PCDHGB2: variants seen among roughly 807,000 people sequenced by gnomAD.
PCDHGB2 encodes protocadherin gamma-B2.
In PCDHGB2, 55 loss-of-function variants were observed where a neutral mutation model predicts 59.3. The ratio of observed to expected loss-of-function variants is 0.93; its 90% confidence interval spans 0.75 to 1.16. The LOEUF (loss-of-function observed/expected upper bound fraction) is 1.16. PCDHGB2 is among the 50% of genes most tolerant of loss of function. The pLI is 0.00. For synonymous variants in PCDHGB2, 516 were observed against 512.0 expected, an observed-to-expected ratio of 1.01 and a Z score of -0.11; for missense variants, 1,228 against 1,198.5, an observed-to-expected ratio of 1.02 and a Z score of -0.36.
At chr5:141,376,296 C>A (rs769852070) in intron 1 of PCDHGB2, 44 of 1,614,066 alleles carry the variant, frequency 2.7e-5, no homozygotes, top group Middle Eastern at 1.6e-4. Flanking sequence ...ATGCCCGGCT[C>A]GCACTTTGTG....
chr5:141,400,230 G>A, intron 1 of PCDHGB2: 3 of 1,613,992 alleles, frequency 1.9e-6, no homozygotes, highest in Non-Finnish European at 2.5e-6. Flanking sequence ...TCTTCCTCCT[G>A]GCCGTGATTC....
chr5:141,398,857 C>T (rs749773693), intron 1 of PCDHGB2: 15 of 1,613,800 alleles, frequency 9.3e-6, no homozygotes, highest in African/African-American at 1.3e-5. Flanking sequence ...GGTATTCAAC[C>T]GAGACGTGTA....
At chr5:141,376,051 C>T in intron 1 of PCDHGB2, 1 of 1,613,344 alleles carries the variant, frequency 6.2e-7, no homozygotes, top group South Asian at 1.1e-5. Context: ...CTCTCTCCGC[C>T]ACTGTCACGC....
intron 1 of PCDHGB2, chr5:141,419,370 A>G (rs1460064670): frequency 1.9e-6 from 3 of 1,613,574 alleles, no homozygotes; most frequent in African/African-American, 2.7e-5. Context: ...CTGTCGTCCT[A>G]CGTGTCCGTG....
rs1222364302 is a variant in PCDHGB2, at chr5:141,414,920, C to T, written c.2421+52364C>T. On this transcript the variant is annotated intron_variant, in intron 1 of 3. Coordinates refer to ENST00000522605, the MANE Select transcript of PCDHGB2 (RefSeq NM_018923.3). ...GACGGTTCCACAGGCGTGGAGCTGG[C>T]GCCCCGCTCCGCAGAGCCCGGCTAC... 2.5e-6 allele frequency: 4 copies of T among 1,614,146 alleles called. No individual in the cohort carries two copies. The South Asian group carries it at 3.3e-5, about 13-fold the overall frequency.
At chr5:141,428,117 G>T in intron 1 of PCDHGB2, 2 of 1,607,102 alleles carry the variant, frequency 1.2e-6, no homozygotes, top group East Asian at 2.2e-5. Context: ...AGGCCATCGA[G>T]CCCGGGCTTT....
At chr5:141,373,971 C>A in intron 1 of PCDHGB2, 2 of 1,026,814 alleles carry the variant, frequency 1.9e-6, no homozygotes, top group Non-Finnish European at 2.7e-6. Flanking sequence ...AAACGCTTCG[C>A]ATCCGGTCTC....
chr5:141,470,452 G>A (rs981528762), intron 1 of PCDHGB2, among the ~76,000 whole-genome samples: 1 of 152,130 alleles, frequency 6.6e-6, no homozygotes, highest in Admixed American at 6.5e-5. Flanking sequence ...ATAGCATCTT[G>A]AATAGGATTT....
At chr5:141,469,929 G>C (rs1208858245) in intron 1 of PCDHGB2, among the ~76,000 whole-genome samples, 1 of 152,168 alleles carries the variant, frequency 6.6e-6, no homozygotes, top group Non-Finnish European at 1.5e-5. Context: ...TCAGGAGTTT[G>C]AGACCAGCCT....
intron 1 of PCDHGB2, chr5:141,421,232 C>T (rs748347420): frequency 2.5e-6 from 4 of 1,590,252 alleles, no homozygotes; most frequent in African/African-American, 2.7e-5. Flanking sequence ...CCTGCCATGG[C>T]GAATCGGCTA....
intron 1 of PCDHGB2, chr5:141,420,003 T>C: frequency 6.2e-7 from 1 of 1,614,100 alleles, no homozygotes; most frequent in Non-Finnish European, 8.5e-7. Flanking sequence ...GCTCTACGCC[T>C]GCGACAGTCT....
Position 141,491,726 on chromosome 5 carries a change from C to A in PCDHGB2, c.2422-3081C>A, listed in dbSNP as rs1018940432. ...GTGAGGGGCTCGGCGCCGCCCCGGG[C>A]GACCCCTGGGGGCGGCACTGGAGAA... On this transcript the variant is annotated intron_variant, in intron 1 of 3. Coordinates refer to ENST00000522605, the MANE Select transcript of PCDHGB2 (RefSeq NM_018923.3). This position sits in a 1 kb window ranked among gnomAD's most constrained non-coding sequence, Gnocchi z 6.9. 2.2e-5 allele frequency: 36 copies of A among 1,605,766 alleles called. No individual in the cohort carries two copies. Among genetic ancestry groups the A allele is most frequent in the African/African-American group, 4.0e-5 (3 of 74,588 alleles).
rs148675327 is a variant in PCDHGB2 at position 141,477,019 on chromosome 5, C to A, written c.2422-17788C>A. On this transcript the variant is annotated intron_variant, in intron 1 of 3. Coordinates refer to ENST00000522605, the MANE Select transcript of PCDHGB2 (RefSeq NM_018923.3). The surrounding 1 kb of genome is among the most constrained non-coding windows in gnomAD (Gnocchi z 4.9). ...AACTATTCGCCTTAGACCTTGTAAC[C>A]GGGATGCTGACAATCAAGGGTCGGC... The A allele has an allele frequency of 1.7e-5, 28 of 1,614,124 alleles. No individual in the cohort carries two copies. The African/African-American group carries it at 2.5e-4, about 15-fold the overall frequency.
At chr5:141,508,682 C>G (rs2099870913) in intron 3 of PCDHGB2, among the ~76,000 whole-genome samples, 1 of 152,080 alleles carries the variant, frequency 6.6e-6, no homozygotes, top group Non-Finnish European at 1.5e-5. Context: ...TCCCTTCTCC[C>G]TGCTTCTCCG....
chr5:141,417,923 C>T, intron 1 of PCDHGB2: 1 of 1,608,652 alleles, frequency 6.2e-7, no homozygotes, highest in Non-Finnish European at 8.5e-7. Context: ...TCCTTTGCTG[C>T]TGCCTTTGTT....
In PCDHGB2 at chr5:141,413,327, A is replaced by T. The variant is rs200027912; in HGVS notation, c.2421+50771A>T. ...TTAGAGAAAGGCTCTTTCGTGGGCA[A>T]CATCTCCAAGGACTTGGGTCTGGCG... On this transcript the variant is annotated intron_variant, in intron 1 of 3. Transcript: ENST00000522605. The T allele has an allele frequency of 2.6e-4, 421 of 1,613,984 alleles. 1 individual carries two copies. The highest frequency in any genetic ancestry group is 1.1e-3 in the South Asian group (96 of 91,090).
chr5:141,388,558 C>T (rs928285766), intron 1 of PCDHGB2: 21 of 1,613,792 alleles, frequency 1.3e-5, no homozygotes, highest in African/African-American at 2.7e-5. Flanking sequence ...CTAAGCAGCA[C>T]TGCACAGATA....
chr5:141,443,561 C>T (rs1487096752), intron 1 of PCDHGB2, among the ~76,000 whole-genome samples: 3 of 152,118 alleles, frequency 2.0e-5, no homozygotes, highest in Non-Finnish European at 1.5e-5. Context: ...AATTCAAATG[C>T]TTTAAATGGA....
intron 3 of PCDHGB2, among the ~76,000 whole-genome samples, chr5:141,506,381 G>A (rs750584158): frequency 2.0e-5 from 3 of 151,216 alleles, no homozygotes; most frequent in Non-Finnish European, 4.4e-5. Context: ...CCTGGGAGGT[G>A]GCTGTGGTGA....
Sources: allele counts gnomAD v4.1 joint callset (sites outside exome capture counted in the v4.1 genomes callset), GRCh38; gene constraint gnomAD v4.1.1; non-coding constraint Gnocchi (gnomAD v3.1); transcripts MANE v1.5; gene names NCBI Gene and HGNC (gene_info 2026-07-23, HGNC 2026-07-21).